Variants in ELMO1 observed in about 807,000 individuals in gnomAD.
ELMO1 encodes the protein engulfment and cell motility 1, also known as engulfment and cell motility protein 1.
A neutral mutation model predicts 98.9 loss-of-function variants in ELMO1; 26 were observed. The observed-to-expected ratio is 0.26, with a 90% confidence interval of 0.19 to 0.36. ELMO1 has a LOEUF of 0.36. ELMO1 is among the 10% of genes least tolerant of loss of function. ELMO1 has a pLI of 1.00. For missense variants in ELMO1, 627 were observed against 935.2 expected (o/e 0.67, Z 4.30); for synonymous variants, 346 against 346.0 (o/e 1.00, Z 0.00).
intron 2 of ELMO1, among the ~76,000 whole-genome samples, chr7:37,325,062 T>G (rs2723979): frequency 0.48 from 72,337 of 152,044 alleles, 18,231 homozygotes; most frequent in Non-Finnish European, 0.57. Context: ...TATCTACAGA[T>G]AGCTTCTTTT....
At position 36,854,260 on chromosome 7, in the gene ELMO1, G is replaced by A. The variant is rs544379435; in HGVS notation, c.*1291C>T. On this transcript the variant is annotated 3_prime_UTR_variant, in exon 22 of 22. Coordinates refer to ENST00000310758, the MANE Select transcript of ELMO1 (RefSeq NM_014800.11). ...ACATCACCCAATTCAGCAGGTCTAGGGTGGAGCTGAAGAGCTGGCATCTCC... is the reference window on the plus strand; with the variant it reads ...ACATCACCCAATTCAGCAGGTCTAGAGTGGAGCTGAAGAGCTGGCATCTCC... The A allele has an allele frequency of 1.3e-5, 2 of 152,188 alleles. No homozygotes were observed. The highest frequency in any genetic ancestry group is 2.1e-4 in the South Asian group (1 of 4,816). 9.4% of individuals were successfully genotyped at this position (152,188 alleles called of 1,614,324 possible).
intron 14 of ELMO1, among the ~76,000 whole-genome samples, chr7:37,107,656 A>G (rs1785025686): frequency 6.6e-6 from 1 of 152,238 alleles, no homozygotes; most frequent in Non-Finnish European, 1.5e-5. Context: ...TCACTGTTGG[A>G]TGAAAAATTA....
At chr7:37,350,402 C>T (rs138095299) in intron 1 of ELMO1, among the ~76,000 whole-genome samples, 298 of 152,288 alleles carry the variant, frequency 2.0e-3, no homozygotes, top group African/African-American at 6.8e-3. Context: ...TCTTTGCTTT[C>T]CCAGTGTCTG....
chr7:37,304,830 AGTTTT>A (rs564946881), intron 4 of ELMO1, among the ~76,000 whole-genome samples: 57 of 152,234 alleles, frequency 3.7e-4, no homozygotes, highest in African/African-American at 1.1e-3. Context: ...TGCTGCTCCA[AGTTTT>A]GTTTTAAGTG....
intron 2 of ELMO1, among the ~76,000 whole-genome samples, chr7:37,337,946 C>T (rs1189855494): frequency 1.3e-5 from 2 of 152,134 alleles, no homozygotes; most frequent in African/African-American, 4.8e-5. Context: ...ATTAGGACAC[C>T]TCTTTATTAC....
chr7:37,042,289 T>C (rs1450667616), intron 15 of ELMO1, among the ~76,000 whole-genome samples: 3 of 152,128 alleles, frequency 2.0e-5, no homozygotes, highest in Non-Finnish European at 4.4e-5. Context: ...TTCATAATTT[T>C]ACATTTCACT....
rs753068408 is a variant in ELMO1 at position 37,234,732 on chromosome 7, TGGA to T, written c.450-1541_450-1539del. Among the ~76,000 whole-genome samples, 10 of 152,334 alleles carry T rather than the reference TGGA, an allele frequency of 6.6e-5. No individual in the cohort carries two copies. The South Asian group carries it at 8.3e-4, about 13-fold the overall frequency. ...TAGTCACAACTAGCTCAGAGATTTTTGGAGAAATGAAAACAAGCAAACATGCTT... is the reference window on the plus strand; with the variant it reads ...TAGTCACAACTAGCTCAGAGATTTTTGAAATGAAAACAAGCAAACATGCTT... On this transcript the variant is annotated intron_variant, in intron 7 of 21. Transcript: ENST00000310758.
intron 2 of ELMO1, among the ~76,000 whole-genome samples, chr7:37,332,752 G>T (rs1436301215): frequency 6.6e-6 from 1 of 152,198 alleles, no homozygotes; most frequent in Non-Finnish European, 1.5e-5. Flanking sequence ...CAGTGCACTG[G>T]CAAGAGCTGG....
chr7:37,259,051 CTAT>C (rs2130793609), intron 6 of ELMO1, 127 bp downstream of exon 6: 1 of 1,108,384 alleles, frequency 9.0e-7, no homozygotes, highest in East Asian at 2.9e-5. Flanking sequence ...ATCTTAAAAA[CTAT>C]TTTTTTCCTG....
At chr7:37,165,650 C>T (rs971970683) in intron 13 of ELMO1, among the ~76,000 whole-genome samples, 12 of 151,966 alleles carry the variant, frequency 7.9e-5, no homozygotes, top group African/African-American at 2.2e-4. Flanking sequence ...TATTGATTTG[C>T]GTATATTGAA....
chr7:37,245,949 C>T (rs926087848), intron 6 of ELMO1, among the ~76,000 whole-genome samples: 4 of 152,076 alleles, frequency 2.6e-5, no homozygotes, highest in Non-Finnish European at 5.9e-5. Flanking sequence ...TGAATTAGTC[C>T]ACATTGTTAT....
chr7:36,884,427 T>A (rs546951077), intron 18 of ELMO1, among the ~76,000 whole-genome samples: 2 of 152,290 alleles, frequency 1.3e-5, no homozygotes, highest in East Asian at 3.9e-4. Flanking sequence ...AGATGTATAA[T>A]TTTACTTACC....
rs1339815641 is a variant in ELMO1, at chr7:37,041,377, A to G, written c.1301-27942T>C. Among the ~76,000 whole-genome samples the G allele has an allele frequency of 2.0e-5, 3 of 152,324 alleles. No individual in the cohort carries two copies. In the East Asian group the frequency reaches 5.8e-4, roughly 29 times the overall value. Reference sequence around the variant, plus strand: ...GAGGACCCTGAAATATACAAGGTCTATTTCAAACTGGAAGGTCTTGGCCCA... The same window carrying G: ...GAGGACCCTGAAATATACAAGGTCTGTTTCAAACTGGAAGGTCTTGGCCCA... On this transcript the variant is annotated intron_variant, in intron 15 of 21. Transcript: ENST00000310758.
At position 36,887,559 on chromosome 7, in the gene ELMO1, C is replaced by A; in HGVS notation, c.1714+1G>T. On this transcript the variant is annotated splice_donor_variant, in intron 18 of 21. Transcript: ENST00000310758. LOFTEE classifies it high-confidence loss of function. ...GTTTGGAGTGTCCCCAGAAACAATA[C>A]CTTGCCTCCGCCGGGCATTGAGTTT... 1 of 1,613,984 alleles carries A rather than the reference C, an allele frequency of 6.2e-7. No individual in the cohort carries two copies. The highest frequency in any genetic ancestry group is 8.5e-7 in the Non-Finnish European group (1 of 1,179,898).
At chr7:37,046,511 GCTTT>G (rs1325701510) in intron 15 of ELMO1, among the ~76,000 whole-genome samples, 1 of 152,180 alleles carries the variant, frequency 6.6e-6, no homozygotes, top group East Asian at 1.9e-4. Context: ...ACCCCAGTAT[GCTTT>G]CTTTCTTTAG....
chr7:36,963,481 T>G (rs1426822209), intron 16 of ELMO1, among the ~76,000 whole-genome samples: 1 of 152,084 alleles, frequency 6.6e-6, no homozygotes, highest in Admixed American at 6.6e-5. Flanking sequence ...CACAGAAAAG[T>G]TGGGATAGTG....
intron 14 of ELMO1, among the ~76,000 whole-genome samples, chr7:37,123,120 G>A (rs1786206144): frequency 2.0e-5 from 3 of 152,024 alleles, no homozygotes; most frequent in Middle Eastern, 3.4e-3. Context: ...AGAATCTCTG[G>A]GACACATTTA....
At chr7:37,301,730 C>T (rs977418156) in intron 4 of ELMO1, among the ~76,000 whole-genome samples, 1 of 152,114 alleles carries the variant, frequency 6.6e-6, no homozygotes, top group Non-Finnish European at 1.5e-5. Context: ...CCAATTTCTC[C>T]CAAAATTGTG....
chr7:37,200,616 C>T (rs1017407454), intron 13 of ELMO1, among the ~76,000 whole-genome samples: 10 of 152,134 alleles, frequency 6.6e-5, no homozygotes, highest in African/African-American at 2.2e-4. Context: ...ACAGTTTTTG[C>T]TTGACCCATC....
Sources: allele counts gnomAD v4.1 joint callset (sites outside exome capture counted in the v4.1 genomes callset), GRCh38; gene constraint gnomAD v4.1.1; transcripts MANE v1.5; gene names NCBI Gene and HGNC (gene_info 2026-07-23, HGNC 2026-07-21).